TENM4: variants seen among roughly 807,000 people sequenced by gnomAD.
TENM4 encodes the protein teneurin transmembrane protein 4, also known as teneurin-4.
A neutral mutation model predicts 243.3 loss-of-function variants in TENM4; 82 were observed. The observed-to-expected ratio is 0.34, with a 90% CI of 0.28 to 0.40. The LOEUF is 0.40. Ranked by LOEUF, TENM4 falls within the 10% of genes least tolerant of loss-of-function variation. The pLI is 1.00. For synonymous variants in TENM4, 1,412 were observed against 1,456.3 expected (o/e 0.97, Z 0.69); for missense variants, 3,138 against 3,673.3 (o/e 0.85, Z 3.77).
Position 78,919,707 on chromosome 11 carries a change from G to A in TENM4, c.494-16184C>T, listed in dbSNP as rs1044295435. On this transcript the variant is annotated intron_variant, in intron 6 of 33. Transcript: ENST00000278550. ...TGCCTAGATCTAGCTGCGCTGATGG[G>A]AAAAGGAGCCCCTGGACTTTCAGTA... Among the ~76,000 whole-genome samples, 9 of 152,236 alleles carry A rather than the reference G, an allele frequency of 5.9e-5. No individual in the cohort carries two copies. The East Asian group carries it at 1.6e-3, about 26-fold the overall frequency.
chr11:78,708,343 T>C lies in TENM4; in HGVS notation c.4209+18A>G, dbSNP rs201678018. 5.4e-4 allele frequency: 867 copies of C among 1,613,614 alleles called. No individual in the cohort carries two copies. The highest frequency in any genetic ancestry group is 6.7e-4 in the Non-Finnish European group (787 of 1,179,682). On this transcript the variant is annotated intron_variant, in intron 27 of 33. Transcript: ENST00000278550. The stretch of plus-strand genomic sequence containing the variant: ...TGAGTGGGCAGTCCCAGGGCTTTGG[T>C]AGATGAAGCCATCTTACCTGGGAAA...
At chr11:78,849,100 C>T (rs1294825626) in intron 12 of TENM4, among the ~76,000 whole-genome samples, 1 of 152,174 alleles carries the variant, frequency 6.6e-6, no homozygotes, top group Non-Finnish European at 1.5e-5. Context: ...CTCACATTGC[C>T]ACAATGTCAG....
intron 6 of TENM4, among the ~76,000 whole-genome samples, chr11:79,012,796 A>G (rs1250148119): frequency 6.6e-6 from 1 of 152,138 alleles, no homozygotes; most frequent in Admixed American, 6.5e-5. Flanking sequence ...CTCAGCGAGG[A>G]CGACCTTTCC....
chr11:79,154,369 C>T (rs144246277), intron 3 of TENM4, among the ~76,000 whole-genome samples: 1 of 152,068 alleles, frequency 6.6e-6, no homozygotes, highest in African/African-American at 2.4e-5. Context: ...TCACTCATTA[C>T]CATGAAGAGA....
chr11:78,722,024 T>A (rs1855396516), intron 24 of TENM4, among the ~76,000 whole-genome samples: 1 of 152,182 alleles, frequency 6.6e-6, no homozygotes, highest in Non-Finnish European at 1.5e-5. Flanking sequence ...GGAAAGAGGC[T>A]GACTCAGCTG....
In TENM4 at chr11:79,438,852, T is replaced by C. The variant is rs1859334756; in HGVS notation, c.-321+1657A>G. On this transcript the variant is annotated intron_variant, in intron 1 of 33. Transcript: ENST00000278550. The surrounding 1 kb of genome is among the most constrained non-coding windows in gnomAD (Gnocchi z 4.1). ...ACTTAGTCCCTGCCTCGGTAACCGG[T>C]TCTTTGGGGACAGCAGCATCAGCAC... 2.6e-5 allele frequency: 4 copies of C among 152,078 alleles called. No homozygotes were observed. Among genetic ancestry groups the C allele is most frequent in the Admixed American group, 2.6e-4 (4 of 15,266 alleles). The allele number at this position is 152,078 out of a possible 1,614,324, so 9.4% of individuals were successfully genotyped here.
Position 78,756,825 on chromosome 11 carries a change from C to A in TENM4, c.2736G>T (p.Gly912=), listed in dbSNP as rs747097374. Residue 912 remains glycine (G), a synonymous_variant, in exon 19 of 34, where the codon GGG becomes GGT. Coordinates refer to ENST00000278550, the MANE Select transcript of TENM4 (RefSeq NM_001098816.3). The part of the protein sequence containing the change: ...VGRDSTHIIP[G]ENPFDGGHAC... ...CTCACCCTCCATCAAAGGGGTTCTCCCCGGGGATTATGTGCGTGCTGTCCC... is the reference window on the plus strand; with the variant it reads ...CTCACCCTCCATCAAAGGGGTTCTCACCGGGGATTATGTGCGTGCTGTCCC... 6.2e-7 allele frequency: 1 copy of A among 1,613,676 alleles called. No homozygotes were observed. Among genetic ancestry groups the A allele is most frequent in the Non-Finnish European group, 8.5e-7 (1 of 1,179,828 alleles).
rs1236349503 is a variant in TENM4, at chr11:78,891,249, A to C, written c.837T>G (p.Ala279=). 1 of 1,551,692 alleles carries C rather than the reference A, an allele frequency of 6.4e-7. No individual in the cohort carries two copies. The highest frequency in any genetic ancestry group is 8.7e-7 in the Non-Finnish European group (1 of 1,147,004). The change falls in exon 8 of 34, where the codon GCT becomes GCG. Residue 279 remains alanine, a synonymous_variant. Transcript: ENST00000278550. ...GGGATGTCACCTACCCGTCACTGTA[A>C]GCCCCATCATGGCGGGAGGCGCCGA... ...DILGASRHDG[A]YSDGHFLFKP...
chr11:79,246,852 A>T (rs896329003), intron 2 of TENM4, among the ~76,000 whole-genome samples: 1 of 143,434 alleles, frequency 7.0e-6, no homozygotes, highest in Non-Finnish European at 1.5e-5. Flanking sequence ...GAGGAGCCCA[A>T]GAAAGCTTTG....
intron 6 of TENM4, among the ~76,000 whole-genome samples, chr11:78,941,817 G>A (rs1856902162): frequency 6.6e-6 from 1 of 152,176 alleles, no homozygotes; most frequent in African/African-American, 2.4e-5. Flanking sequence ...TGCATTCTTG[G>A]CCTGTCTGTA....
intron 6 of TENM4, among the ~76,000 whole-genome samples, chr11:78,934,437 C>T (rs1319313155): frequency 6.6e-6 from 1 of 152,154 alleles, no homozygotes; most frequent in East Asian, 1.9e-4. Context: ...CCCAACTCTG[C>T]GTGTCTTGGG....
At chr11:79,430,190 A>G (rs1392800294) in intron 1 of TENM4, among the ~76,000 whole-genome samples, 2 of 134,860 alleles carry the variant, frequency 1.5e-5, no homozygotes, top group African/African-American at 3.1e-5. Flanking sequence ...CAACCTGCGA[A>G]AAAAAAAAAA....
intron 16 of TENM4, among the ~76,000 whole-genome samples, chr11:78,780,949 T>C (rs1444399641): frequency 1.3e-5 from 2 of 152,130 alleles, no homozygotes; most frequent in Admixed American, 6.6e-5. Flanking sequence ...AGGGATTCCT[T>C]TGCTACAAAG....
chr11:79,169,890 C>G (rs980250193), intron 3 of TENM4, among the ~76,000 whole-genome samples: 2 of 152,194 alleles, frequency 1.3e-5, no homozygotes, highest in Admixed American at 1.3e-4. Flanking sequence ...AGAAATCTCT[C>G]TAGCCATCTT....
rs117603591 is a variant in TENM4 at position 79,080,744 on chromosome 11, C to T, written c.-65-10735G>A. ...CACTTTGGGAAATTGCCAGTCTCTTCTGTACTTCAGGCCCCAGGGAAAAAT... is the reference window on the plus strand; with the variant it reads ...CACTTTGGGAAATTGCCAGTCTCTTTTGTACTTCAGGCCCCAGGGAAAAAT... On this transcript the variant is annotated intron_variant, in intron 4 of 33. Transcript: ENST00000278550. 9.2e-5 allele frequency among the ~76,000 whole-genome samples: 14 copies of T among 152,338 alleles called. No homozygotes were observed. In the East Asian group the frequency reaches 2.5e-3, roughly 27 times the overall value.
chr11:78,861,231 C>G (rs1356560786), intron 10 of TENM4, among the ~76,000 whole-genome samples: 1 of 152,212 alleles, frequency 6.6e-6, no homozygotes, highest in African/African-American at 2.4e-5. Flanking sequence ...TCTGAAGAGC[C>G]ATCTGGTTAC....
At chr11:79,400,310 AT>A (rs111841526) in intron 1 of TENM4, among the ~76,000 whole-genome samples, 1,171 of 142,130 alleles carry the variant, frequency 8.2e-3, no homozygotes, top group African/African-American at 8.3e-3. Context: ...TTCCTTAACC[AT>A]TTTTTTTTTT....
intron 20 of TENM4, among the ~76,000 whole-genome samples, chr11:78,737,191 C>T (rs1482529168): frequency 6.6e-6 from 1 of 152,224 alleles, no homozygotes; most frequent in Admixed American, 6.5e-5. Context: ...CTAGGAGGCT[C>T]ACATCTGCCA....
At chr11:79,163,670 T>C (rs1347596799) in intron 3 of TENM4, among the ~76,000 whole-genome samples, 1 of 151,746 alleles carries the variant, frequency 6.6e-6, no homozygotes, top group African/African-American at 2.4e-5. Context: ...GTTACTTCAC[T>C]TAGAATAATG....
Sources: allele counts gnomAD v4.1 joint callset (sites outside exome capture counted in the v4.1 genomes callset), GRCh38; gene constraint gnomAD v4.1.1; non-coding constraint Gnocchi (gnomAD v3.1); transcripts MANE v1.5; gene names NCBI Gene and HGNC (gene_info 2026-07-23, HGNC 2026-07-21).